SLC14A2: variants seen among roughly 807,000 people sequenced by gnomAD.
SLC14A2 encodes the protein urea transporter 2.
In SLC14A2, 91 loss-of-function variants were observed where a neutral mutation model predicts 104.6. The observed-to-expected ratio is 0.87, with a 90% confidence interval of 0.73 to 1.04. The LOEUF is 1.04. Ranked by LOEUF, SLC14A2 falls within the 50% of genes least tolerant of loss-of-function variation. SLC14A2 has a pLI of 0.00. For synonymous variants in SLC14A2, 476 were observed against 466.4 expected (o/e 1.02, Z -0.27); for missense variants, 1,189 against 1,156.0 (o/e 1.03, Z -0.41).
At chr18:45,533,484 A>G (rs1033159508) in intron 2 of SLC14A2, among the ~76,000 whole-genome samples, 13 of 151,406 alleles carry the variant, frequency 8.6e-5, no homozygotes, top group African/African-American at 2.7e-4. Flanking sequence ...GTTGATTTGC[A>G]TAGAGGTGTT....
chr18:45,413,559 T>G (rs1025912574), intron 1 of SLC14A2, among the ~76,000 whole-genome samples: 6 of 152,210 alleles, frequency 3.9e-5, no homozygotes, highest in Non-Finnish European at 1.5e-5. Flanking sequence ...TGGCACTCTT[T>G]CCTCTCCCTG....
chr18:45,671,236 G>T (rs2046129977), intron 16 of SLC14A2, among the ~76,000 whole-genome samples: 1 of 152,070 alleles, frequency 6.6e-6, no homozygotes, highest in South Asian at 2.1e-4. Flanking sequence ...GGAAAAAAAT[G>T]AATAATCCTG....
chr18:45,186,286 C>T, the SLC14A2 span, among the ~76,000 whole-genome samples: 1 of 152,128 alleles, frequency 6.6e-6, no homozygotes, highest in Non-Finnish European at 1.5e-5. Flanking sequence ...GTCAATAAGA[C>T]AGGACAGAGG....
upstream of SLC14A2, among the ~76,000 whole-genome samples, chr18:45,212,256 T>C (rs1431245237): frequency 6.6e-6 from 1 of 152,224 alleles, no homozygotes; most frequent in African/African-American, 2.4e-5. Context: ...CAAACCATAT[T>C]CCCTGGAGTT....
At chr18:45,263,705 T>C (rs1429435664) in intron 1 of SLC14A2, among the ~76,000 whole-genome samples, 1 of 152,232 alleles carries the variant, frequency 6.6e-6, no homozygotes, top group Non-Finnish European at 1.5e-5. Flanking sequence ...TGGATATTTA[T>C]TGTATTCTGC....
chr18:45,365,065 G>A, intron 1 of SLC14A2, among the ~76,000 whole-genome samples: 1 of 152,140 alleles, frequency 6.6e-6, no homozygotes, highest in Non-Finnish European at 1.5e-5. Context: ...AGAGAATAGG[G>A]GAATAGGGGT....
chr18:45,362,354 C>T (rs578029457), intron 1 of SLC14A2, among the ~76,000 whole-genome samples: 12 of 152,298 alleles, frequency 7.9e-5, no homozygotes, highest in African/African-American at 2.9e-4. Context: ...AATGTGGCTG[C>T]CAGTTGATCT....
chr18:45,547,760 G>T (rs1471777481), intron 2 of SLC14A2, among the ~76,000 whole-genome samples: 1 of 152,220 alleles, frequency 6.6e-6, no homozygotes, highest in Non-Finnish European at 1.5e-5. Context: ...TAACTGTAAG[G>T]AATTGTAGTT....
intron 1 of SLC14A2, among the ~76,000 whole-genome samples, chr18:45,377,270 T>C (rs1283765459): frequency 1.3e-5 from 2 of 151,912 alleles, no homozygotes; most frequent in African/African-American, 4.8e-5. Flanking sequence ...TTTACTACCT[T>C]CTTCTTTTCT....
At chr18:45,420,374 A>G (rs867629575) in intron 1 of SLC14A2, among the ~76,000 whole-genome samples, 25 of 152,328 alleles carry the variant, frequency 1.6e-4, no homozygotes, top group Admixed American at 5.2e-4. Context: ...GCCTGATTCA[A>G]TGAGAGTGAG....
At chr18:45,535,137 C>T (rs373386168) in intron 2 of SLC14A2, among the ~76,000 whole-genome samples, 4 of 152,198 alleles carry the variant, frequency 2.6e-5, no homozygotes, top group Non-Finnish European at 5.9e-5. Context: ...CTTTCCAAAA[C>T]GTCAGATTCC....
At chr18:45,533,491 T>G (rs1366939502) in intron 2 of SLC14A2, among the ~76,000 whole-genome samples, 3 of 152,184 alleles carry the variant, frequency 2.0e-5, no homozygotes, top group Non-Finnish European at 2.9e-5. Flanking sequence ...TGCATAGAGG[T>G]GTTTATAGTA....
At chr18:45,307,971 G>T (rs1168852089) in intron 1 of SLC14A2, among the ~76,000 whole-genome samples, 1 of 152,188 alleles carries the variant, frequency 6.6e-6, no homozygotes, top group Non-Finnish European at 1.5e-5. Flanking sequence ...GGCTGAAGGT[G>T]AAGAGGTAGC....
rs192574284 is a variant in SLC14A2 at position 45,650,761 on chromosome 18, C to T, written c.1351+6601C>T. Among the ~76,000 whole-genome samples, 140 of 152,080 alleles carry T rather than the reference C, an allele frequency of 9.2e-4. 1 individual carries two copies. Among genetic ancestry groups the T allele is most frequent in the Admixed American group, 1.4e-3 (21 of 15,280 alleles). ...GTCTTGTTTTGTTTTGTTTTTGAGA[C>T]GGAGTTTTGTTCTTGTTGCCCAGGC... On this transcript the variant is annotated intron_variant, in intron 10 of 19. Transcript: ENST00000255226.
chr18:45,484,655 G>A (rs936207229), intron 2 of SLC14A2, among the ~76,000 whole-genome samples: 4 of 152,138 alleles, frequency 2.6e-5, no homozygotes, highest in African/African-American at 9.7e-5. Context: ...GGAAGTGGTA[G>A]GTGTGCCTGC....
At chr18:45,175,787 C>T in the SLC14A2 span, among the ~76,000 whole-genome samples, 2 of 152,120 alleles carry the variant, frequency 1.3e-5, no homozygotes, top group African/African-American at 4.8e-5. Flanking sequence ...TGACAGCACA[C>T]TTTTGAAAGG....
the SLC14A2 span, among the ~76,000 whole-genome samples, chr18:45,207,432 GAA>G: frequency 1.3e-5 from 2 of 150,152 alleles, no homozygotes; most frequent in Non-Finnish European, 3.0e-5. Context: ...AGAAAAAAGA[GAA>G]AGAGAAAGCG....
chr18:45,444,873 C>A (rs1013405204), intron 1 of SLC14A2, among the ~76,000 whole-genome samples: 1 of 152,182 alleles, frequency 6.6e-6, no homozygotes, highest in Non-Finnish European at 1.5e-5. Flanking sequence ...CATTAGATCA[C>A]GTTGTCAATT....
intron 1 of SLC14A2, among the ~76,000 whole-genome samples, chr18:45,436,297 T>TG (rs2086596047): frequency 6.6e-6 from 1 of 152,228 alleles, no homozygotes; most frequent in Non-Finnish European, 1.5e-5. Flanking sequence ...AGAAAGCAGA[T>TG]GCAGTTCCAG....
Sources: gnomAD v4.1 joint callset for allele counts (sites outside exome capture counted in the v4.1 genomes callset) on GRCh38, gnomAD v4.1.1 for gene constraint, MANE v1.5 for transcripts, NCBI Gene and HGNC (gene_info 2026-07-23, HGNC 2026-07-21) for gene names.